Variants in GRIA3 observed in about 807,000 individuals in gnomAD.
The protein encoded by GRIA3 is glutamate receptor 3.
Under a neutral mutation model 63.0 loss-of-function variants are expected in GRIA3, and 3 were observed. The observed-to-expected ratio is 0.05, with a 90% CI of 0.02 to 0.12. The LOEUF is 0.12. Among genes scored for constraint, GRIA3 ranks in the 10% least tolerant of loss-of-function variants. The probability of loss-of-function intolerance (pLI) is 1.00; values close to 1 mark genes in which losing one functional copy is unlikely to be tolerated. For missense variants in GRIA3, 347 were observed against 700.9 expected (o/e 0.50, Z 5.70); for synonymous variants, 274 against 257.9 (o/e 1.06, Z -0.60).
chrX:123,293,998 T>C (rs1267293682), intron 3 of GRIA3, among the ~76,000 whole-genome samples: 1 of 110,340 alleles, frequency 9.1e-6, no homozygotes, highest in East Asian at 2.8e-4. Flanking sequence ...ATAATGTCTT[T>C]CTTTCAAGTC....
chrX:123,402,288 C>T (rs1221706629), intron 7 of GRIA3, among the ~76,000 whole-genome samples: 1 of 110,719 alleles, frequency 9.0e-6, no homozygotes, highest in African/African-American at 3.3e-5. Context: ...TCTCAAGAAA[C>T]AGAACTAAAT....
chrX:123,428,774 T>C (rs1205241132), intron 12 of GRIA3, among the ~76,000 whole-genome samples: 2 of 111,395 alleles, frequency 1.8e-5, no homozygotes, highest in Non-Finnish European at 3.8e-5. Flanking sequence ...AATTGTTCAT[T>C]AGCAAAAGTT....
At chrX:123,396,519 G>A (rs934244148) in intron 6 of GRIA3, among the ~76,000 whole-genome samples, 5 of 110,729 alleles carry the variant, frequency 4.5e-5, no homozygotes, top group Non-Finnish European at 7.6e-5. Context: ...TTTAGGGTCC[G>A]ATCAAGTGTC....
chrX:123,306,099 C>T (rs987167238), intron 3 of GRIA3, among the ~76,000 whole-genome samples: 1 of 112,004 alleles, frequency 8.9e-6, no homozygotes, highest in African/African-American at 3.2e-5. Context: ...AAAGATGGAG[C>T]TTAAGTTCTT....
intron 14 of GRIA3, among the ~76,000 whole-genome samples, chrX:123,481,894 G>A (rs947254902): frequency 6.3e-5 from 7 of 111,349 alleles, no homozygotes; most frequent in Non-Finnish European, 1.3e-4. Context: ...TTTCCCCCTT[G>A]TTACAAAGAA....
intron 5 of GRIA3, among the ~76,000 whole-genome samples, chrX:123,369,095 C>T (rs904364279): frequency 4.5e-5 from 5 of 111,609 alleles, no homozygotes; most frequent in Non-Finnish European, 7.5e-5. Context: ...CTTCCACTCT[C>T]TCCTCTCCTC....
At chrX:123,239,369 T>A (rs1296148787) in intron 2 of GRIA3, among the ~76,000 whole-genome samples, 2 of 110,628 alleles carry the variant, frequency 1.8e-5, no homozygotes, top group East Asian at 5.6e-4. Flanking sequence ...GAAGTAGTCA[T>A]GAGAAATACT....
At chrX:123,484,142 C>G (rs1001721880) in intron 15 of GRIA3, among the ~76,000 whole-genome samples, 2 of 112,132 alleles carry the variant, frequency 1.8e-5, no homozygotes, top group South Asian at 7.5e-4. Context: ...TAGCCAAGCC[C>G]TAATTCATAC....
intron 3 of GRIA3, among the ~76,000 whole-genome samples, chrX:123,258,346 C>T (rs1433022025): frequency 8.9e-6 from 1 of 112,639 alleles, no homozygotes; most frequent in African/African-American, 3.2e-5. Context: ...AATTTCTATT[C>T]AGGCAAAGGC....
intron 3 of GRIA3, among the ~76,000 whole-genome samples, chrX:123,277,810 T>A (rs1174084281): frequency 8.9e-6 from 1 of 111,831 alleles, no homozygotes; most frequent in Non-Finnish European, 1.9e-5. Flanking sequence ...GCCAATAATA[T>A]CTACTTTCCT....
intron 12 of GRIA3, among the ~76,000 whole-genome samples, chrX:123,463,672 G>GAAAGAAAT (rs1569440871): frequency 3.6e-5 from 2 of 55,391 alleles, no homozygotes; most frequent in Non-Finnish European, 6.2e-5. Flanking sequence ...AAGAAAGAAA[G>GAAAGAAAT]AAAGAAAGAA....
rs1465300096 is a variant in GRIA3 at position 123,253,466 on chromosome X, C to G, written c.432C>G (p.Ala144=). ...DVQFVIQMRP[A]LKGAILSLLG... Reference sequence around the variant, plus strand: ...AGTTTGTCATCCAGATGCGCCCAGCCTTGAAGGGCGCTATTCTGAGTCTTC... The same window carrying G: ...AGTTTGTCATCCAGATGCGCCCAGCGTTGAAGGGCGCTATTCTGAGTCTTC... The change falls in exon 3 of 16, where the codon GCC becomes GCG. Residue 144 remains alanine (A), a synonymous_variant. Coordinates refer to ENST00000620443, the MANE Select transcript of GRIA3 (RefSeq NM_007325.5). 1 of 1,206,001 alleles carries G rather than the reference C, an allele frequency of 8.3e-7. No individual in the cohort carries two copies. The highest frequency in any genetic ancestry group is 1.7e-5 in the African/African-American group (1 of 57,577).
chrX:123,396,751 T>A (rs1334004723), intron 6 of GRIA3, among the ~76,000 whole-genome samples: 1 of 112,323 alleles, frequency 8.9e-6, no homozygotes, highest in Non-Finnish European at 1.9e-5. Flanking sequence ...CCCATTTTCA[T>A]AGAAATCAAG....
intron 3 of GRIA3, among the ~76,000 whole-genome samples, chrX:123,304,283 AGG>A (rs1455761226): frequency 8.9e-6 from 1 of 111,851 alleles, no homozygotes; most frequent in Non-Finnish European, 1.9e-5. Context: ...TGTTACTGAA[AGG>A]AACTTTTCCC....
At chrX:123,289,708 T>C (rs934928913) in intron 3 of GRIA3, among the ~76,000 whole-genome samples, 1 of 109,887 alleles carries the variant, frequency 9.1e-6, no homozygotes, top group African/African-American at 3.3e-5. Flanking sequence ...TTGAGAAACC[T>C]TGTGAGACTG....
intron 2 of GRIA3, 139 bp downstream of exon 2, chrX:123,186,129 A>T (rs1927267641): frequency 5.5e-6 from 3 of 542,619 alleles, no homozygotes; most frequent in Non-Finnish European, 9.7e-6. Flanking sequence ...ATCCGGTTTC[A>T]TGTTGCATAA....
intron 4 of GRIA3, among the ~76,000 whole-genome samples, chrX:123,344,874 T>C (rs2045033660): frequency 9.0e-6 from 1 of 111,515 alleles, no homozygotes. Context: ...AGTGCATTTA[T>C]TATCAGATGG....
chrX:123,205,238 T>C (rs1342206458), intron 2 of GRIA3, among the ~76,000 whole-genome samples: 1 of 112,246 alleles, frequency 8.9e-6, no homozygotes, highest in Non-Finnish European at 1.9e-5. Flanking sequence ...GCTCCTTCCA[T>C]GCAATATGCC....
At chrX:123,300,174 G>A (rs1452369528) in intron 3 of GRIA3, among the ~76,000 whole-genome samples, 2 of 109,707 alleles carry the variant, frequency 1.8e-5, no homozygotes, top group Admixed American at 9.8e-5. Context: ...CTGGGATATT[G>A]GCCTGAAGTT....
Sources: gnomAD v4.1 joint callset for allele counts (sites outside exome capture counted in the v4.1 genomes callset) on GRCh38, gnomAD v4.1.1 for gene constraint, MANE v1.5 for transcripts, NCBI Gene and HGNC (gene_info 2026-07-23, HGNC 2026-07-21) for gene names.